Variants in TAGLN3 observed in about 807,000 individuals in gnomAD.
TAGLN3 encodes the protein transgelin 3, also known as transgelin-3.
In TAGLN3, 12 loss-of-function variants were observed where a neutral mutation model predicts 25.4. The ratio of observed to expected loss-of-function variants is 0.47; its 90% CI spans 0.30 to 0.77. The LOEUF (loss-of-function observed/expected upper bound fraction) is 0.77. Among genes scored for constraint, TAGLN3 ranks in the 30% least tolerant of loss-of-function variants. The pLI is 0.06. For synonymous variants in TAGLN3, 96 were observed against 94.8 expected (o/e 1.01, Z -0.08); for missense variants, 218 against 255.8 (o/e 0.85, Z 1.01).
chr3:111,999,357 G>A (rs2072826516), intron 1 of TAGLN3, 64 bp from the exon 2 acceptor site: 3 of 1,564,736 alleles, frequency 1.9e-6, no homozygotes, highest in Non-Finnish European at 2.6e-6. Context: ...CCCGTCTGCA[G>A]GGAGCCGGAG....
At chr3:112,001,022 A>G (rs2072852647) in intron 3 of TAGLN3, 76 bp downstream of exon 3, 1 of 1,371,840 alleles carries the variant, frequency 7.3e-7, no homozygotes, top group Non-Finnish European at 1.0e-6. Context: ...AACTGCTCAC[A>G]GTGTTCTTCC....
At chr3:112,001,755 A>G (rs184421784) in intron 3 of TAGLN3, among the ~76,000 whole-genome samples, 87 of 152,284 alleles carry the variant, frequency 5.7e-4, no homozygotes, top group Admixed American at 1.1e-3. Context: ...GCTCTTTGTC[A>G]CTGGCTGTCA....
chr3:112,000,127 G>C (rs979788248), intron 2 of TAGLN3, among the ~76,000 whole-genome samples: 1 of 152,328 alleles, frequency 6.6e-6, no homozygotes. Flanking sequence ...CCAAATGCTC[G>C]TGTGTGTTTG....
At chr3:112,001,604 A>G (rs1351893300) in intron 3 of TAGLN3, among the ~76,000 whole-genome samples, 1 of 152,250 alleles carries the variant, frequency 6.6e-6, no homozygotes, top group Non-Finnish European at 1.5e-5. Flanking sequence ...ACCTATGGTC[A>G]TGGTGTCGTT....
rs2073000771 is a variant in TAGLN3, at chr3:112,013,441, G to A, written c.490G>A (p.Glu164Lys). 4 of 1,613,684 alleles carry A rather than the reference G, an allele frequency of 2.5e-6. No individual in the cohort carries two copies. The highest frequency in any genetic ancestry group is 3.4e-6 in the Non-Finnish European group (4 of 1,179,670). Residue 164 changes from glutamate to lysine, a missense_variant, in exon 5 of 5, where the codon GAG (glutamate) becomes AAG (lysine). Glu to Lys is a moderately conservative substitution (Grantham distance 56). Transcript: ENST00000478951. ...KAQQNRRGFSEEQLRQGQNVI... is the reference protein window; with the variant it reads ...KAQQNRRGFSKEQLRQGQNVI... ...CCAGCAGAATCGGAGAGGCTTTTCC[G>A]AGGAGCAGCTTCGCCAGGGACAGAA...
rs555077736 is a variant in TAGLN3, at chr3:111,999,113, T to G, written c.-4T>G. On this transcript the variant is annotated splice_region_variant and 5_prime_UTR_variant, in exon 1 of 5. Transcript: ENST00000478951. ...TTGCTGCCTGGGGGTTCAGACTTGATTGTGAGTCCGTGTTATATCATCTGG... is the reference window on the plus strand; with the variant it reads ...TTGCTGCCTGGGGGTTCAGACTTGAGTGTGAGTCCGTGTTATATCATCTGG... 1.4e-5 allele frequency: 3 copies of G among 213,264 alleles called. No homozygotes were observed. The highest frequency in any genetic ancestry group is 2.0e-4 in the East Asian group (2 of 9,788). The allele number at this position is 213,264 out of a possible 1,614,324, so 13.2% of individuals were successfully genotyped here. A position where few individuals can be genotyped will look rare whatever the true frequency, so the allele number is the denominator to read the frequency against.
intron 3 of TAGLN3, among the ~76,000 whole-genome samples, chr3:112,003,628 T>G (rs1380887859): frequency 1.3e-5 from 2 of 152,094 alleles, no homozygotes; most frequent in Non-Finnish European, 2.9e-5. Context: ...TTGACTGTGG[T>G]TTTAATGCTG....
intron 3 of TAGLN3, among the ~76,000 whole-genome samples, chr3:112,003,503 G>GT (rs2072885324): frequency 6.6e-6 from 1 of 152,140 alleles, no homozygotes; most frequent in African/African-American, 2.4e-5. Context: ...TGCGGGGCAG[G>GT]GTTGGCACGT....
At chr3:112,008,464 G>A (rs1486124769) in intron 3 of TAGLN3, among the ~76,000 whole-genome samples, 2 of 152,124 alleles carry the variant, frequency 1.3e-5, no homozygotes, top group African/African-American at 4.8e-5. Flanking sequence ...ACCGTTGTGA[G>A]CCACTGTGCC....
At position 111,999,479 on chromosome 3, in the gene TAGLN3, G is replaced by A. The variant is rs921079365; in HGVS notation, c.57G>A (p.Glu19=). The A allele has an allele frequency of 1.2e-6, 2 of 1,614,244 alleles. No homozygotes were observed. The highest frequency in any genetic ancestry group is 8.5e-7 in the Non-Finnish European group (1 of 1,180,032). ...GLSREVQEKI[E]QKYDADLENK... ...GCCGAGAGGTGCAGGAGAAGATCGA[G>A]CAGAAGTATGATGCGGACCTGGAGA... The change falls in exon 2 of 5, where the codon GAG becomes GAA. Residue 19 remains glutamate (E), a synonymous_variant. Transcript: ENST00000478951.
Position 112,013,662 on chromosome 3 carries a change from G to T in TAGLN3, c.*111G>T. On this transcript the variant is annotated 3_prime_UTR_variant, in exon 5 of 5. Coordinates refer to ENST00000478951, the MANE Select transcript of TAGLN3 (RefSeq NM_001008272.2). Reference sequence around the variant, plus strand: ...CTTCTCCTCTTTCTCAAAGCCTTCTGTCCCTGGTTTTTGCAAGTGCTGCAT... The same window carrying T: ...CTTCTCCTCTTTCTCAAAGCCTTCTTTCCCTGGTTTTTGCAAGTGCTGCAT... 1 of 1,526,610 alleles carries T rather than the reference G, an allele frequency of 6.6e-7. No individual in the cohort carries two copies. 94.6% of individuals were successfully genotyped at this position (1,526,610 alleles called of 1,614,324 possible).
chr3:112,001,111 A>G (rs2072854253), intron 3 of TAGLN3, among the ~76,000 whole-genome samples, 165 bp downstream of exon 3: 1 of 152,180 alleles, frequency 6.6e-6, no homozygotes, highest in African/African-American at 2.4e-5. Context: ...GTTATGTTCT[A>G]TTAAAAGGAG....
At position 112,013,629 on chromosome 3, in the gene TAGLN3, C is replaced by T; in HGVS notation, c.*78C>T. The stretch of plus-strand genomic sequence containing the variant: ...CTACGAAAAAGAAATAGTTAGTCAC[C>T]TTCTGACCTTCTCCTCTTTCTCAAA... On this transcript the variant is annotated 3_prime_UTR_variant, in exon 5 of 5. Transcript: ENST00000478951. The T allele has an allele frequency of 1.3e-6, 2 of 1,589,262 alleles. No individual in the cohort carries two copies. Among genetic ancestry groups the T allele is most frequent in the Non-Finnish European group, 1.7e-6 (2 of 1,164,048 alleles).
At chr3:112,000,457 T>C (rs1314664369) in intron 2 of TAGLN3, 1 of 237,842 alleles carries the variant, frequency 4.2e-6, no homozygotes, top group East Asian at 8.4e-5. Context: ...CCTCATCACG[T>C]CACATCATTC....
intron 2 of TAGLN3, among the ~76,000 whole-genome samples, chr3:112,000,267 T>C (rs1241380723): frequency 6.6e-6 from 1 of 152,116 alleles, no homozygotes; most frequent in East Asian, 1.9e-4. Context: ...TATATATATA[T>C]CTGGGAAAAA....
intron 4 of TAGLN3, among the ~76,000 whole-genome samples, chr3:112,012,467 A>C (rs2107726182): frequency 6.6e-6 from 1 of 152,228 alleles, no homozygotes; most frequent in East Asian, 1.9e-4. Context: ...GTTATCTCTC[A>C]GTAAAGGGTC....
chr3:112,000,586 C>T (rs556085819), intron 2 of TAGLN3, 186 bp from the exon 3 acceptor site: 2 of 575,478 alleles, frequency 3.5e-6, no homozygotes, highest in African/African-American at 3.7e-5. Flanking sequence ...ATGGGGTCCT[C>T]TGGGTCTTTG....
chr3:112,000,147 G>T (rs2072839445), intron 2 of TAGLN3, among the ~76,000 whole-genome samples: 1 of 152,206 alleles, frequency 6.6e-6, no homozygotes. Flanking sequence ...GAGGGTTTGA[G>T]GGCCGCAGGC....
chr3:111,999,195 G>A (rs111816708), intron 1 of TAGLN3, 81 bp downstream of exon 1: 4 of 481,388 alleles, frequency 8.3e-6, no homozygotes, highest in African/African-American at 5.8e-5. Context: ...CCGGCCGGAG[G>A]TTTATTCTAG....
Sources: allele counts gnomAD v4.1 joint callset (sites outside exome capture counted in the v4.1 genomes callset), GRCh38; gene constraint gnomAD v4.1.1; transcripts MANE v1.5; gene names NCBI Gene and HGNC (gene_info 2026-07-23, HGNC 2026-07-21).